VPS35: variants seen among roughly 807,000 people sequenced by gnomAD.
VPS35 encodes VPS35 retromer complex component.
VPS35 carries 21 observed loss-of-function variants against 98.1 expected under a neutral mutation model. The ratio of observed to expected loss-of-function variants is 0.21; its 90% CI spans 0.15 to 0.31. The LOEUF (loss-of-function observed/expected upper bound fraction) is 0.31, where lower values mean the gene tolerates loss of function less well. Among genes scored for constraint, VPS35 ranks in the 10% least tolerant of loss-of-function variants. The probability of loss-of-function intolerance (pLI) is 1.00; values close to 1 mark genes in which losing one functional copy is unlikely to be tolerated. For missense variants in VPS35, 554 were observed against 950.8 expected, an observed-to-expected ratio of 0.58 and a Z score of 5.49; for synonymous variants, 268 against 318.2, an observed-to-expected ratio of 0.84 and a Z score of 1.68.
At chr16:46,677,802 G>T (rs1459907590) in intron 6 of VPS35, 1 of 188,242 alleles carries the variant, frequency 5.3e-6, no homozygotes, top group East Asian at 1.5e-4. Flanking sequence ...TCTCAAAAGT[G>T]AGCTTTTTTC....
intron 1 of VPS35, among the ~76,000 whole-genome samples, chr16:46,688,086 A>G (rs1046530471): frequency 1.3e-5 from 2 of 152,238 alleles, no homozygotes; most frequent in African/African-American, 4.8e-5. Flanking sequence ...AGGCAAAATC[A>G]CCTTGTACGG....
rs760887864 is a variant in VPS35, at chr16:46,668,991, A to T, written c.1586T>A (p.Leu529Gln). The T allele has an allele frequency of 6.2e-7, 1 of 1,614,222 alleles. No homozygotes were observed. The highest frequency in any genetic ancestry group is 8.5e-7 in the Non-Finnish European group (1 of 1,180,034). The change falls in exon 13 of 17, where the codon CTG becomes CAG. Residue 529 changes from leucine to glutamine, a missense_variant. Around this residue, in one of 5 missense-constraint regions of VPS35, gnomAD observed 254 missense variants for 390.1 expected, o/e 0.65. Coordinates refer to ENST00000299138, the MANE Select transcript of VPS35 (RefSeq NM_018206.6). ...AGGNQRIRFTLPPLVFAAYQL... is the reference protein window; with the variant it reads ...AGGNQRIRFTQPPLVFAAYQL... ...GTAAGCTGCAAATACCAAAGGTGGC[A>T]GTGTGAAGCGAATCCGCTGATTTCC...
At chr16:46,688,338 T>C in intron 1 of VPS35, 1 of 986,994 alleles carries the variant, frequency 1.0e-6, no homozygotes, top group Non-Finnish European at 1.2e-6. Context: ...GACACAAAGA[T>C]TCACATTTTG....
At chr16:46,669,576 A>C (rs1439185089) in intron 12 of VPS35, among the ~76,000 whole-genome samples, 1 of 151,760 alleles carries the variant, frequency 6.6e-6, no homozygotes, top group African/African-American at 2.4e-5. Flanking sequence ...CTGAGGCAGG[A>C]GAATTGCTTG....
intron 1 of VPS35, chr16:46,688,221 G>A (rs565566874): frequency 1.4e-6 from 1 of 730,622 alleles, no homozygotes; most frequent in Admixed American, 6.3e-5. Context: ...AGTGAGTAAG[G>A]TAATTAAAGC....
rs769873945 is a variant in VPS35 at position 46,689,119 on chromosome 16, C to T, written c.3+12G>A. 7 of 1,608,924 alleles carry T rather than the reference C, an allele frequency of 4.4e-6. No homozygotes were observed. The highest frequency in any genetic ancestry group is 3.4e-5 in the Admixed American group (2 of 59,556). On this transcript the variant is annotated intron_variant, in intron 1 of 16. Transcript: ENST00000299138. Reference sequence around the variant, plus strand: ...GGGTCGACCCAGGTGCCACTGCCCCCTCAGCACTCACCATGGCGACTCCCC... The same window carrying T: ...GGGTCGACCCAGGTGCCACTGCCCCTTCAGCACTCACCATGGCGACTCCCC...
chr16:46,683,277 G>A (rs1966260545), intron 2 of VPS35: 2 of 573,382 alleles, frequency 3.5e-6, no homozygotes, highest in Admixed American at 3.0e-5. Context: ...TTATGAGCTT[G>A]TATTCTAGTA....
intron 8 of VPS35, among the ~76,000 whole-genome samples, chr16:46,675,257 A>G (rs887494612): frequency 1.3e-5 from 2 of 152,158 alleles, no homozygotes; most frequent in African/African-American, 4.8e-5. Flanking sequence ...AAATGTATTC[A>G]ACAACCATGA....
At chr16:46,681,597 T>A in intron 3 of VPS35, 97 bp from the exon 4 acceptor site, 1 of 1,423,108 alleles carries the variant, frequency 7.0e-7, no homozygotes, top group Non-Finnish European at 9.8e-7. Flanking sequence ...GGCAGACATC[T>A]TAAGTTTTAG....
chr16:46,678,868 A>T (rs754023846), intron 6 of VPS35, 75 bp downstream of exon 6: 9 of 1,520,782 alleles, frequency 5.9e-6, no homozygotes, highest in Non-Finnish European at 7.2e-6. Context: ...ATTGTATAAC[A>T]AAAATATTCT....
intron 1 of VPS35, among the ~76,000 whole-genome samples, chr16:46,684,196 AAC>A (rs1966278811): frequency 6.6e-6 from 1 of 152,216 alleles, no homozygotes; most frequent in Non-Finnish European, 1.5e-5. Context: ...GTGTTCTGCT[AAC>A]ACACTCTGAA....
At chr16:46,688,083 A>C (rs1198177898) in intron 1 of VPS35, among the ~76,000 whole-genome samples, 1 of 152,240 alleles carries the variant, frequency 6.6e-6, no homozygotes, top group Non-Finnish European at 1.5e-5. Context: ...AACAGGCAAA[A>C]TCACCTTGTA....
intron 13 of VPS35, 114 bp from the exon 14 acceptor site, chr16:46,663,276 T>C: frequency 1.0e-6 from 1 of 974,880 alleles, no homozygotes; most frequent in Non-Finnish European, 1.5e-6. Flanking sequence ...TTCCTGTCAT[T>C]TTCCTTCTCT....
At chr16:46,688,968 G>A in intron 1 of VPS35, 163 bp downstream of exon 1, 1 of 1,512,038 alleles carries the variant, frequency 6.6e-7, no homozygotes, top group South Asian at 1.2e-5. Context: ...CCTGCCCGCG[G>A]CCTTCCTCCT....
intron 13 of VPS35, among the ~76,000 whole-genome samples, chr16:46,667,203 T>C (rs1966002508): frequency 6.6e-6 from 1 of 152,252 alleles, no homozygotes; most frequent in South Asian, 2.1e-4. Context: ...GATTTACATT[T>C]TCCTGATAAA....
intron 3 of VPS35, 148 bp downstream of exon 3, chr16:46,681,931 G>A: frequency 3.1e-6 from 2 of 655,282 alleles, no homozygotes; most frequent in Non-Finnish European, 5.5e-6. Flanking sequence ...TTCTCACTTA[G>A]CACATCTGCA....
chr16:46,679,732 C>G (rs1163356502), intron 5 of VPS35, among the ~76,000 whole-genome samples: 1 of 152,192 alleles, frequency 6.6e-6, no homozygotes. Flanking sequence ...ATGGAGACCT[C>G]AGTACCTTTC....
intron 12 of VPS35, 36 bp downstream of exon 12, chr16:46,671,669 A>C (rs750351111): frequency 9.3e-6 from 15 of 1,613,532 alleles, no homozygotes; most frequent in Non-Finnish European, 1.3e-5. Flanking sequence ...TTTCACTAGG[A>C]GCTGATACAG....
chr16:46,666,855 C>G (rs1287102675), intron 13 of VPS35, among the ~76,000 whole-genome samples: 1 of 152,194 alleles, frequency 6.6e-6, no homozygotes, highest in Non-Finnish European at 1.5e-5. Flanking sequence ...AACACAATTT[C>G]TTTACTCATC....
Sources: allele counts gnomAD v4.1 joint callset (sites outside exome capture counted in the v4.1 genomes callset), GRCh38; gene constraint gnomAD v4.1.1; regional missense constraint gnomAD v4.1.1; transcripts MANE v1.5; gene names NCBI Gene and HGNC (gene_info 2026-07-23, HGNC 2026-07-21).